Variants in CDH4 observed in about 807,000 individuals in gnomAD.
CDH4 encodes cadherin-4.
A neutral mutation model predicts 86.0 loss-of-function variants in CDH4; 33 were observed. That is an observed-to-expected ratio of 0.38 (90% CI 0.29 to 0.51). The LOEUF (loss-of-function observed/expected upper bound fraction) is 0.51, where lower values mean the gene tolerates loss of function less well. Among genes scored for constraint, CDH4 ranks in the 20% least tolerant of loss-of-function variants. The pLI is 0.86. For synonymous variants in CDH4, 555 were observed against 549.4 expected (o/e 1.01, Z -0.14); for missense variants, 1,114 against 1,307.4 (o/e 0.85, Z 2.28).
intron 5 of CDH4, among the ~76,000 whole-genome samples, chr20:61,852,137 AC>A (rs983353489): frequency 8.8e-5 from 13 of 147,766 alleles, no homozygotes; most frequent in African/African-American, 3.3e-4. Flanking sequence ...GGATCCCCCC[AC>A]CCCACCACCC....
intron 2 of CDH4, among the ~76,000 whole-genome samples, chr20:61,408,279 G>T (rs1186853505): frequency 1.3e-5 from 2 of 152,158 alleles, no homozygotes; most frequent in African/African-American, 4.8e-5. Context: ...TAGGGCGTGG[G>T]CATCTCAGGG....
chr20:61,602,116 C>T (rs946116692), intron 2 of CDH4, among the ~76,000 whole-genome samples: 3 of 152,112 alleles, frequency 2.0e-5, no homozygotes, highest in Admixed American at 6.5e-5. Context: ...GGGCTGCTGG[C>T]GATGCTTTCT....
chr20:61,845,048 G>A (rs1209754674), intron 5 of CDH4, among the ~76,000 whole-genome samples: 1 of 152,222 alleles, frequency 6.6e-6, no homozygotes, highest in East Asian at 1.9e-4. Flanking sequence ...CTGGGAAACT[G>A]CATTTCACAC....
intron 4 of CDH4, among the ~76,000 whole-genome samples, chr20:61,801,002 C>T (rs150467492): frequency 1.3e-3 from 195 of 152,262 alleles, no homozygotes; most frequent in Non-Finnish European, 2.2e-3. Flanking sequence ...GGGGCAGCTA[C>T]GAGGGGCACT....
rs1312494847 is a variant in CDH4 at position 61,518,400 on chromosome 20, TATG to T, written c.170-225158_170-225156del. On this transcript the variant is annotated intron_variant, in intron 2 of 15. Coordinates refer to ENST00000614565, the MANE Select transcript of CDH4 (RefSeq NM_001794.5). The surrounding 1 kb of genome is among the most constrained non-coding windows in gnomAD (Gnocchi z 6.3). ...GCTGGAATTTGGCCAAATTCTCTGT[TATG>T]ATGAGGCTGTCCATCATCCATCTGT... Among the ~76,000 whole-genome samples the T allele has an allele frequency of 6.6e-6, 1 of 152,198 alleles. No individual in the cohort carries two copies. Among genetic ancestry groups the T allele is most frequent in the African/African-American group, 2.4e-5 (1 of 41,454 alleles).
At chr20:61,865,117 C>T (rs957474718) in intron 6 of CDH4, among the ~76,000 whole-genome samples, 2 of 152,160 alleles carry the variant, frequency 1.3e-5, no homozygotes, top group African/African-American at 2.4e-5. Flanking sequence ...CTGCCCCTGC[C>T]CCCCAACAGC....
rs1006119925 is a variant in CDH4 at position 61,557,582 on chromosome 20, C to T, written c.170-185981C>T. Among the ~76,000 whole-genome samples, 6 of 152,160 alleles carry T rather than the reference C, an allele frequency of 3.9e-5. No individual in the cohort carries two copies. The East Asian group carries it at 1.2e-3, about 29-fold the overall frequency. On this transcript the variant is annotated intron_variant, in intron 2 of 15. Coordinates refer to ENST00000614565, the MANE Select transcript of CDH4 (RefSeq NM_001794.5). ...CTTGTGATAGCTGTTATTTGGATAGCTTAGAGGAATGAGAAGAGATAAAAC... is the reference window on the plus strand; with the variant it reads ...CTTGTGATAGCTGTTATTTGGATAGTTTAGAGGAATGAGAAGAGATAAAAC...
intron 2 of CDH4, among the ~76,000 whole-genome samples, chr20:61,633,140 TCCCATCCATCCA>T (rs2086911228): frequency 6.8e-6 from 1 of 146,354 alleles, no homozygotes; most frequent in African/African-American, 2.5e-5. Flanking sequence ...TCATGCATCC[TCCCATCCATCCA>T]CCCATTCATC....
intron 2 of CDH4, among the ~76,000 whole-genome samples, chr20:61,541,606 C>T (rs550026788): frequency 2.8e-4 from 42 of 152,242 alleles, no homozygotes; most frequent in African/African-American, 9.1e-4. Flanking sequence ...GTCATGTTCC[C>T]GTGATCTCCT....
chr20:61,462,828 A>G (rs561993359), intron 2 of CDH4, among the ~76,000 whole-genome samples: 33 of 152,302 alleles, frequency 2.2e-4, no homozygotes, highest in African/African-American at 7.7e-4. Context: ...GCCAGAAAGG[A>G]GGGAGGTGGA....
chr20:61,411,584 A>T (rs574727251), intron 2 of CDH4, among the ~76,000 whole-genome samples: 1 of 152,062 alleles, frequency 6.6e-6, no homozygotes, highest in South Asian at 2.1e-4. Context: ...CAGGGATGCC[A>T]CCAGCAGCAA....
intron 2 of CDH4, among the ~76,000 whole-genome samples, chr20:61,656,481 G>C (rs1363033686): frequency 6.6e-6 from 1 of 152,114 alleles, no homozygotes; most frequent in African/African-American, 2.4e-5. Flanking sequence ...TGTTGGGGTG[G>C]GCAGGTGCAT....
intron 2 of CDH4, among the ~76,000 whole-genome samples, chr20:61,520,471 C>G (rs2085860389): frequency 6.6e-6 from 1 of 152,140 alleles, no homozygotes; most frequent in Admixed American, 6.5e-5. Flanking sequence ...CGATGCCTTC[C>G]TGGAGGGGTG....
At chr20:61,524,885 C>G (rs1432156385) in intron 2 of CDH4, among the ~76,000 whole-genome samples, 1 of 152,136 alleles carries the variant, frequency 6.6e-6, no homozygotes, top group Non-Finnish European at 1.5e-5. Flanking sequence ...TTTCCATGCC[C>G]TTGAACAAAA....
intron 2 of CDH4, among the ~76,000 whole-genome samples, chr20:61,565,100 GCTC>G (rs1355808623): frequency 0.053 from 6,049 of 113,404 alleles, 275 homozygotes; most frequent in East Asian, 0.065. Flanking sequence ...TCTTGGTGGT[GCTC>G]TTGGTGGTGC....
intron 4 of CDH4, among the ~76,000 whole-genome samples, chr20:61,814,762 A>G (rs890046163): frequency 2.1e-4 from 32 of 152,156 alleles, no homozygotes; most frequent in African/African-American, 6.3e-4. Flanking sequence ...CTTGCTATTG[A>G]GCAAACAGTC....
intron 4 of CDH4, among the ~76,000 whole-genome samples, chr20:61,777,129 G>C (rs2088851621): frequency 6.8e-6 from 1 of 147,538 alleles, no homozygotes; most frequent in Non-Finnish European, 1.5e-5. Context: ...TGTATTTTCT[G>C]TCTTTATTCA....
intron 2 of CDH4, among the ~76,000 whole-genome samples, chr20:61,690,165 T>C (rs539286812): frequency 1.5e-4 from 21 of 142,928 alleles, no homozygotes; most frequent in South Asian, 6.9e-4. Flanking sequence ...GGTCATCCAG[T>C]GGGGACAGTG....
At chr20:61,511,826 C>T (rs560325852) in intron 2 of CDH4, among the ~76,000 whole-genome samples, 165 of 152,154 alleles carry the variant, frequency 1.1e-3, no homozygotes, top group Non-Finnish European at 1.8e-3. Flanking sequence ...CATTGATTTC[C>T]TGCTCTGAGG....
Sources: allele counts gnomAD v4.1 joint callset (sites outside exome capture counted in the v4.1 genomes callset), GRCh38; gene constraint gnomAD v4.1.1; non-coding constraint Gnocchi (gnomAD v3.1); transcripts MANE v1.5; gene names NCBI Gene and HGNC (gene_info 2026-07-23, HGNC 2026-07-21).